Variants in JAZF1 observed in about 807,000 individuals in gnomAD.
JAZF1 encodes the protein juxtaposed with another zinc finger protein 1.
Under a neutral mutation model 26.4 loss-of-function variants are expected in JAZF1, and 8 were observed. The ratio of observed to expected loss-of-function variants is 0.30; its 90% CI spans 0.18 to 0.55. The LOEUF is 0.55. Ranked by LOEUF, JAZF1 falls within the 20% of genes least tolerant of loss-of-function variation. JAZF1 has a pLI of 0.94. For synonymous variants in JAZF1, 126 were observed against 122.3 expected, an observed-to-expected ratio of 1.03 and a Z score of -0.20; for missense variants, 199 against 322.0, an observed-to-expected ratio of 0.62 and a Z score of 2.92.
intron 2 of JAZF1, among the ~76,000 whole-genome samples, chr7:27,897,440 G>A (rs753561837): frequency 3.3e-5 from 5 of 152,182 alleles, no homozygotes; most frequent in Non-Finnish European, 7.3e-5. Flanking sequence ...AATGAGAGTA[G>A]GTAAGGAATT....
rs145537704 is a variant in JAZF1 at position 27,957,717 on chromosome 7, T to G, written c.188+34192A>C. 5.5e-3 allele frequency among the ~76,000 whole-genome samples: 832 copies of G among 152,320 alleles called. 10 individuals carry two copies. The highest frequency in any genetic ancestry group is 0.019 in the African/African-American group (792 of 41,578). On this transcript the variant is annotated intron_variant, in intron 2 of 4. Coordinates refer to ENST00000283928, the MANE Select transcript of JAZF1 (RefSeq NM_175061.4). ...CACAGTAAGATTAATGAATTCACAG[T>G]CTGTTTCTGAGGATTTAATGACTTC...
chr7:27,930,648 T>C (rs1027834778), intron 2 of JAZF1, among the ~76,000 whole-genome samples: 1 of 152,172 alleles, frequency 6.6e-6, no homozygotes, highest in African/African-American at 2.4e-5. Context: ...CTTTTCTTCA[T>C]GAAAAAACTG....
chr7:28,102,881 C>T (rs1259509182), intron 1 of JAZF1, among the ~76,000 whole-genome samples: 1 of 152,122 alleles, frequency 6.6e-6, no homozygotes, highest in Non-Finnish European at 1.5e-5. Context: ...CAAAAGAACA[C>T]GATGACATAA....
At chr7:28,137,056 T>C (rs1026089415) in intron 1 of JAZF1, among the ~76,000 whole-genome samples, 2 of 152,206 alleles carry the variant, frequency 1.3e-5, no homozygotes, top group African/African-American at 2.4e-5. Flanking sequence ...GGCATCCTGA[T>C]ACCATCTTAC....
intron 1 of JAZF1, among the ~76,000 whole-genome samples, chr7:28,111,427 C>A (rs781634796): frequency 6.6e-6 from 1 of 152,042 alleles, no homozygotes; most frequent in Admixed American, 6.5e-5. Flanking sequence ...ATTTGGTGAG[C>A]TTTTTATTGA....
rs142523303 is a variant in JAZF1 at position 28,104,431 on chromosome 7, T to A, written c.115+76032A>T. 3.4e-3 allele frequency among the ~76,000 whole-genome samples: 512 copies of A among 152,348 alleles called. 3 individuals carry two copies. Among genetic ancestry groups the A allele is most frequent in the African/African-American group, 0.012 (495 of 41,578 alleles). On this transcript the variant is annotated intron_variant, in intron 1 of 4. Transcript: ENST00000283928. ...TGGCAAATACTAGGCACTCAATAAA[T>A]GTTTACTGAATAAACAAATAGGATT...
intron 1 of JAZF1, among the ~76,000 whole-genome samples, chr7:28,175,997 ATTTT>A (rs768236008): frequency 4.6e-5 from 7 of 151,660 alleles, no homozygotes; most frequent in Admixed American, 2.0e-4. Flanking sequence ...AAGTGCCCTG[ATTTT>A]TTTTTACAGA....
In JAZF1 at chr7:28,092,290, CAAAAAAAAAAAAAAAAAAAA is replaced by C. The variant is rs749913273; in HGVS notation, c.115+88153_115+88172del. On this transcript the variant is annotated intron_variant, in intron 1 of 4. Transcript: ENST00000283928. ...AACATCCCATTTCAGGGACAAAAGG[CAAAAAAAAAAAAAAAAAAAA>C]AAAAAAAAAAAAAAAACAACTAATG... 1.2e-3 allele frequency among the ~76,000 whole-genome samples: 15 copies of C among 12,786 alleles called. 2 individuals carry two copies. In the Admixed American group the frequency reaches 0.017, roughly 15 times the overall value. The allele number at this position is 12,786 out of a possible 152,430, so 8.4% of individuals were successfully genotyped here.
At chr7:28,087,603 A>G (rs1365985966) in intron 1 of JAZF1, among the ~76,000 whole-genome samples, 1 of 152,220 alleles carries the variant, frequency 6.6e-6, no homozygotes, top group East Asian at 1.9e-4. Flanking sequence ...GGGAAAAAGG[A>G]CACATAAAAT....
rs191668161 is a variant in JAZF1, at chr7:27,853,770, T to G, written c.386-12903A>C. On this transcript the variant is annotated intron_variant, in intron 3 of 4. Transcript: ENST00000283928. ...GTTGTGATTTCTGTTCGTTTGCATT[T>G]GCTGAGCAGTATTTTACTACCAATT... Among the ~76,000 whole-genome samples the G allele has an allele frequency of 2.5e-4, 38 of 152,328 alleles. No homozygotes were observed. The East Asian group carries it at 6.4e-3, about 26-fold the overall frequency.
intron 1 of JAZF1, among the ~76,000 whole-genome samples, chr7:28,132,850 C>G (rs1272965375): frequency 1.3e-5 from 2 of 152,176 alleles, no homozygotes; most frequent in African/African-American, 4.8e-5. Flanking sequence ...CCCCCCACCC[C>G]TACCCATCTC....
Position 28,015,033 on chromosome 7 carries a change from A to G in JAZF1, c.116-23052T>C, listed in dbSNP as rs112677646. Among the ~76,000 whole-genome samples the G allele has an allele frequency of 1.9e-3, 272 of 140,772 alleles. 2 individuals carry two copies. The highest frequency in any genetic ancestry group is 6.6e-3 in the African/African-American group (231 of 35,032). The allele number at this position is 140,772 out of a possible 152,430, so 92.4% of individuals were successfully genotyped here. ...GACCCAGCAAAAGCAGAAAGTGTGT[A>G]TGTGTGTGTGTGTGTGTGTGTGTGT... is the stretch of plus-strand genomic sequence containing the variant. On this transcript the variant is annotated intron_variant, in intron 1 of 4. Coordinates refer to ENST00000283928, the MANE Select transcript of JAZF1 (RefSeq NM_175061.4).
At position 27,895,435 on chromosome 7, in the gene JAZF1, G is replaced by A; in HGVS notation, c.189-19C>T. The A allele has an allele frequency of 6.4e-7, 1 of 1,567,654 alleles. No homozygotes were observed. The highest frequency in any genetic ancestry group is 1.2e-5 in the South Asian group (1 of 84,664). ...CATGAATCTGAAACAATAATGGAAGGTAAGGAACCTGGGCCATGTATAGAG... is the reference window on the plus strand; with the variant it reads ...CATGAATCTGAAACAATAATGGAAGATAAGGAACCTGGGCCATGTATAGAG... On this transcript the variant is annotated intron_variant, in intron 2 of 4. Coordinates refer to ENST00000283928, the MANE Select transcript of JAZF1 (RefSeq NM_175061.4).
intron 4 of JAZF1, among the ~76,000 whole-genome samples, chr7:27,838,842 C>A (rs1782868755): frequency 6.6e-6 from 1 of 152,170 alleles, no homozygotes; most frequent in Admixed American, 6.5e-5. Flanking sequence ...GAAACTCACG[C>A]TTCCCTCGTG....
At chr7:28,000,962 A>T (rs1051814116) in intron 1 of JAZF1, among the ~76,000 whole-genome samples, 6 of 152,158 alleles carry the variant, frequency 3.9e-5, no homozygotes, top group African/African-American at 1.4e-4. Context: ...GAATTCATTT[A>T]AAAAAGACAT....
intron 1 of JAZF1, among the ~76,000 whole-genome samples, chr7:28,047,426 G>T (rs59022997): frequency 0.044 from 6,630 of 152,170 alleles, 516 homozygotes; most frequent in African/African-American, 0.15. Context: ...AATTTGAAGA[G>T]AATTTATAAT....
chr7:27,838,044 C>T lies in JAZF1; in HGVS notation c.555+2654G>A, dbSNP rs1302202481. Among the ~76,000 whole-genome samples the T allele has an allele frequency of 6.7e-5, 10 of 149,380 alleles. No individual in the cohort carries two copies. In the East Asian group the frequency reaches 1.8e-3, roughly 26 times the overall value. ...TTTTCTTTTTTCCTTCCACAAGTTGCTGCTTCCAGAGACTCAAAGCCCTTT... is the reference window on the plus strand; with the variant it reads ...TTTTCTTTTTTCCTTCCACAAGTTGTTGCTTCCAGAGACTCAAAGCCCTTT... On this transcript the variant is annotated intron_variant, in intron 4 of 4. Transcript: ENST00000283928.
At chr7:28,051,250 G>A (rs184664290) in intron 1 of JAZF1, among the ~76,000 whole-genome samples, 77 of 150,976 alleles carry the variant, frequency 5.1e-4, no homozygotes, top group African/African-American at 1.5e-3. Flanking sequence ...TTTTTGAGAT[G>A]GAGTCTTGCT....
chr7:27,952,373 T>C (rs1015053550), intron 2 of JAZF1, among the ~76,000 whole-genome samples: 1 of 152,222 alleles, frequency 6.6e-6, no homozygotes, highest in Non-Finnish European at 1.5e-5. Flanking sequence ...CAGCACCCAA[T>C]GAAATGGTTC....
Sources: gnomAD v4.1 joint callset for allele counts (sites outside exome capture counted in the v4.1 genomes callset) on GRCh38, gnomAD v4.1.1 for gene constraint, MANE v1.5 for transcripts, NCBI Gene and HGNC (gene_info 2026-07-23, HGNC 2026-07-21) for gene names.